Variants in ANO3 observed in about 807,000 individuals in gnomAD.
ANO3 encodes anoctamin-3.
In ANO3, 99 loss-of-function variants were observed where a neutral mutation model predicts 144.8. The ratio of observed to expected loss-of-function variants is 0.68; its 90% CI spans 0.58 to 0.81. ANO3 has a LOEUF of 0.81. Ranked by LOEUF, ANO3 falls within the 30% of genes least tolerant of loss-of-function variation. The pLI is 0.00. For synonymous variants in ANO3, 414 were observed against 392.6 expected, an observed-to-expected ratio of 1.05 and a Z score of -0.64; for missense variants, 905 against 1,202.2, an observed-to-expected ratio of 0.75 and a Z score of 3.66.
intron 1 of ANO3, among the ~76,000 whole-genome samples, chr11:26,282,346 T>G (rs67763623): frequency 0.042 from 6,424 of 151,818 alleles, 211 homozygotes; most frequent in African/African-American, 0.091. Context: ...GATTCATGTG[T>G]CTGAATTTAT....
intron 14 of ANO3, among the ~76,000 whole-genome samples, chr11:26,595,626 C>G (rs1209065720): frequency 6.6e-6 from 1 of 151,968 alleles, no homozygotes; most frequent in Non-Finnish European, 1.5e-5. Flanking sequence ...GGTTTTTTCT[C>G]AATCACCCGG....
At chr11:26,414,772 AAAAG>A (rs1857531043) in intron 1 of ANO3, among the ~76,000 whole-genome samples, 4 of 151,854 alleles carry the variant, frequency 2.6e-5, no homozygotes, top group South Asian at 2.1e-4. Flanking sequence ...AAAAAAAAAA[AAAAG>A]AAAGAAAGTT....
At chr11:26,659,953 C>G (rs1032633543) in intron 26 of ANO3, among the ~76,000 whole-genome samples, 61 of 151,968 alleles carry the variant, frequency 4.0e-4, no homozygotes, top group African/African-American at 1.4e-3. Context: ...CAATTCATGT[C>G]GTAATAATAT....
At chr11:26,194,913 A>C (rs778411870) in intron 1 of ANO3, among the ~76,000 whole-genome samples, 1 of 152,186 alleles carries the variant, frequency 6.6e-6, no homozygotes, top group South Asian at 2.1e-4. Flanking sequence ...ATACAGGCAT[A>C]CAATGCATAA....
intron 4 of ANO3, among the ~76,000 whole-genome samples, chr11:26,468,167 T>C (rs1468054090): frequency 6.6e-6 from 1 of 151,898 alleles, no homozygotes; most frequent in Non-Finnish European, 1.5e-5. Context: ...TTAATCTAGG[T>C]TAGCAGGAAT....
At chr11:26,315,240 A>G (rs1445236559) in intron 1 of ANO3, among the ~76,000 whole-genome samples, 4 of 152,092 alleles carry the variant, frequency 2.6e-5, no homozygotes, top group Non-Finnish European at 5.9e-5. Context: ...ATAAAAATCC[A>G]CTTCGGGTGA....
chr11:26,639,322 T>C, intron 21 of ANO3, 81 bp downstream of exon 21: 1 of 1,044,968 alleles, frequency 9.6e-7, no homozygotes, highest in African/African-American at 1.6e-5. Flanking sequence ...TGCTTAAGAA[T>C]TTGGTCTTGG....
At chr11:26,482,523 C>T (rs1333347867) in intron 4 of ANO3, among the ~76,000 whole-genome samples, 1 of 150,840 alleles carries the variant, frequency 6.6e-6, no homozygotes, top group Non-Finnish European at 1.5e-5. Flanking sequence ...ATGTTTTCAC[C>T]TCTGTGTAAG....
At chr11:26,545,160 C>A (rs964486892) in intron 11 of ANO3, among the ~76,000 whole-genome samples, 1 of 152,012 alleles carries the variant, frequency 6.6e-6, no homozygotes, top group South Asian at 2.1e-4. Context: ...TAAAACCACA[C>A]ACTTTTCAGG....
At chr11:26,598,583 A>G in intron 15 of ANO3, 136 bp downstream of exon 15, 1 of 646,078 alleles carries the variant, frequency 1.5e-6, no homozygotes, top group Non-Finnish European at 2.6e-6. Context: ...AAAAAGATTT[A>G]TTATTTTATG....
chr11:26,246,240 A>C lies in ANO3; in HGVS notation c.154+56910A>C, dbSNP rs145642093. Among the ~76,000 whole-genome samples the C allele has an allele frequency of 6.8e-4, 104 of 152,246 alleles. 1 individual carries two copies. Among genetic ancestry groups the C allele is most frequent in the African/African-American group, 2.3e-3 (95 of 41,558 alleles). ...AATTTTTAGGGTTAATTTTTAGAAG[A>C]AGTAGTATTGTTGGGTTAACCAGTA... On this transcript the variant is annotated intron_variant, in intron 1 of 27. Coordinates refer to the ANO3 transcript ENST00000672621.
chr11:26,289,095 G>A (rs979455600), intron 1 of ANO3, among the ~76,000 whole-genome samples: 1 of 151,938 alleles, frequency 6.6e-6, no homozygotes, highest in Non-Finnish European at 1.5e-5. Context: ...TACATATCAG[G>A]TCTCCTTTTA....
At chr11:26,652,660 C>G (rs10835046) in intron 24 of ANO3, among the ~76,000 whole-genome samples, 31,842 of 152,158 alleles carry the variant, frequency 0.21, 3,532 homozygotes, top group East Asian at 0.33. Flanking sequence ...ATAAAGTCCT[C>G]CCTTGTCCTG....
chr11:26,560,763 G>A (rs1387892661), intron 14 of ANO3: 1 of 246,828 alleles, frequency 4.1e-6, no homozygotes, highest in African/African-American at 2.3e-5. Context: ...TATGAGGCAG[G>A]GCTGTAATGG....
intron 1 of ANO3, among the ~76,000 whole-genome samples, chr11:26,253,283 T>C (rs1425655981): frequency 6.6e-6 from 1 of 152,176 alleles, no homozygotes; most frequent in African/African-American, 2.4e-5. Flanking sequence ...GCCATTATCC[T>C]TAGCAAACTA....
At chr11:26,391,957 ATC>A (rs1319380816) in intron 1 of ANO3, among the ~76,000 whole-genome samples, 1 of 142,028 alleles carries the variant, frequency 7.0e-6, no homozygotes, top group African/African-American at 2.7e-5. Flanking sequence ...TAAGTCAGAC[ATC>A]TTTCTGCTGT....
Position 26,441,106 on chromosome 11 carries a change from G to GTTTTTTTTTT in ANO3, c.47-792_47-783dup, listed in dbSNP as rs1022676698. 2.1e-4 allele frequency among the ~76,000 whole-genome samples: 18 copies of GTTTTTTTTTT among 86,552 alleles called. 2 individuals are homozygous for GTTTTTTTTTT. In the East Asian group the frequency reaches 2.3e-3, roughly 11 times the overall value. 56.8% of individuals were successfully genotyped at this position (86,552 alleles called of 152,430 possible). A position where few individuals can be genotyped will look rare whatever the true frequency, so the allele number is the denominator to read the frequency against. ...TGTCTTGATCCCTGCTTGCTGCCCA[G>GTTTTTTTTTT]TTTTTTTTTTTTTTTTTTTTTTTTT... On this transcript the variant is annotated intron_variant, in intron 1 of 26. Coordinates refer to ENST00000256737, the MANE Select transcript of ANO3 (RefSeq NM_031418.4).
chr11:26,264,769 G>T (rs77955698), intron 1 of ANO3, among the ~76,000 whole-genome samples: 2,975 of 152,052 alleles, frequency 0.02, 63 homozygotes, highest in East Asian at 0.12. Context: ...TCCTGTGTGG[G>T]TCTGTATCCT....
At chr11:26,263,737 A>G (rs949896989) in intron 1 of ANO3, among the ~76,000 whole-genome samples, 3 of 152,212 alleles carry the variant, frequency 2.0e-5, no homozygotes, top group Non-Finnish European at 2.9e-5. Flanking sequence ...TTTCTGAATG[A>G]CTTCAGGGAC....
Sources: allele counts gnomAD v4.1 joint callset (sites outside exome capture counted in the v4.1 genomes callset), GRCh38; gene constraint gnomAD v4.1.1; transcripts MANE v1.5; gene names NCBI Gene and HGNC (gene_info 2026-07-23, HGNC 2026-07-21).